The following SPRY4 variants were observed in gnomAD, a reference collection of about 807,000 sequenced individuals.
SPRY4 encodes protein sprouty homolog 4.
In SPRY4, 7 loss-of-function variants were observed where a neutral mutation model predicts 17.0. That is an observed-to-expected ratio of 0.41 (90% confidence interval 0.23 to 0.77). SPRY4 has a LOEUF of 0.77. SPRY4 is among the 30% of genes least tolerant of loss of function. SPRY4 has a pLI of 0.32. For missense variants in SPRY4, 435 were observed against 419.9 expected, an observed-to-expected ratio of 1.04 and a Z score of -0.31; for synonymous variants, 183 against 174.1, an observed-to-expected ratio of 1.05 and a Z score of -0.40.
intron 1 of SPRY4, among the ~76,000 whole-genome samples, chr5:142,319,972 G>A (rs1759291405): frequency 6.6e-6 from 1 of 152,190 alleles, no homozygotes; most frequent in Non-Finnish European, 1.5e-5. Flanking sequence ...GCAAGAGGCT[G>A]TGAATGAATG....
intron 1 of SPRY4, among the ~76,000 whole-genome samples, 198 bp downstream of exon 1, chr5:142,324,646 C>G (rs1048455330): frequency 6.6e-6 from 1 of 152,186 alleles, no homozygotes; most frequent in Non-Finnish European, 1.5e-5. Flanking sequence ...GCTGTGAACA[C>G]CCCCGGCGCC....
intron 1 of SPRY4, chr5:142,315,861 A>G (rs1043072841): frequency 1.3e-5 from 2 of 152,258 alleles, no homozygotes; most frequent in African/African-American, 2.4e-5. Context: ...CCTGCCAAGC[A>G]CTGTGCCAGG....
chr5:142,320,084 A>C (rs1596872541), intron 1 of SPRY4, among the ~76,000 whole-genome samples: 1 of 152,204 alleles, frequency 6.6e-6, no homozygotes, highest in East Asian at 1.9e-4. Flanking sequence ...GCTGCCAGAG[A>C]GCCTGCCCAC....
chr5:142,314,160 G>A lies in SPRY4; in HGVS notation c.*49C>T, dbSNP rs1211240562. The A allele has an allele frequency of 1.3e-6, 2 of 1,551,952 alleles. No individual in the cohort carries two copies. The highest frequency in any genetic ancestry group is 8.7e-7 in the Non-Finnish European group (1 of 1,151,424). ...CTTGCTGCAGTCTTCTTAGATGTCA[G>A]AAGAGAACCAGGTTTCCAGGCAGAG... On this transcript the variant is annotated 3_prime_UTR_variant, in exon 2 of 2. Transcript: ENST00000434127. This position sits in a 1 kb window ranked among gnomAD's most constrained non-coding sequence, Gnocchi z 4.8.
At chr5:142,322,101 GGGGTCAT>G (rs1197514226) in intron 1 of SPRY4, among the ~76,000 whole-genome samples, 1 of 152,230 alleles carries the variant, frequency 6.6e-6, no homozygotes, top group Non-Finnish European at 1.5e-5. Flanking sequence ...AGTTGGGGCT[GGGGTCAT>G]GGGTGGGTGC....
chr5:142,324,562 CG>C (rs1561656214), intron 1 of SPRY4: 1 of 152,380 alleles, frequency 6.6e-6, no homozygotes, highest in African/African-American at 2.4e-5. Context: ...GGGACACGCA[CG>C]GGGCTTCCCG....
At chr5:142,315,808 C>T (rs1326001485) in intron 1 of SPRY4, 1 of 152,182 alleles carries the variant, frequency 6.6e-6, no homozygotes, top group Non-Finnish European at 1.5e-5. Flanking sequence ...TTATCGCTAC[C>T]CCAGGGAATA....
rs1365472117 is a variant in SPRY4 at position 142,312,508 on chromosome 5, A to G, written c.*1701T>C. The G allele has an allele frequency of 1.3e-5, 2 of 152,188 alleles. No homozygotes were observed. The highest frequency in any genetic ancestry group is 4.8e-5 in the African/African-American group (2 of 41,446). 9.4% of individuals were successfully genotyped at this position (152,188 alleles called of 1,614,324 possible). A position where few individuals can be genotyped will look rare whatever the true frequency, so the allele number is the denominator to read the frequency against. On this transcript the variant is annotated 3_prime_UTR_variant, in exon 2 of 2. Transcript: ENST00000434127. The stretch of plus-strand genomic sequence containing the variant: ...AGTCCTTGAGAAGCATTAGGTGCCT[A>G]TCATAGCTACCTACCTCGCTGCCTC...
At chr5:142,323,042 A>AG (rs1466910872) in intron 1 of SPRY4, among the ~76,000 whole-genome samples, 1 of 126,622 alleles carries the variant, frequency 7.9e-6, no homozygotes, top group Admixed American at 7.7e-5. Flanking sequence ...ACCCGCCCTA[A>AG]AAAAAAAAAA....
intron 1 of SPRY4, among the ~76,000 whole-genome samples, chr5:142,316,440 A>G: frequency 6.6e-6 from 1 of 152,216 alleles, no homozygotes; most frequent in Non-Finnish European, 1.5e-5. Flanking sequence ...ACCTCTGCTC[A>G]AGGGGATACA....
rs546504624 is a variant in SPRY4 at position 142,319,509 on chromosome 5, G to A, written c.-47-4354C>T. Among the ~76,000 whole-genome samples, 66 of 152,272 alleles carry A rather than the reference G, an allele frequency of 4.3e-4. 1 individual carries two copies. The South Asian group carries it at 4.6e-3, about 11-fold the overall frequency. The stretch of plus-strand genomic sequence containing the variant: ...CCAAAAGGAAACCCTGGGGTGGAAA[G>A]GAATCTCTACTCCTCCCCACCTATC... On this transcript the variant is annotated intron_variant, in intron 1 of 1. Transcript: ENST00000434127.
At position 142,314,186 on chromosome 5, in the gene SPRY4, C is replaced by G. The variant is rs1406256442; in HGVS notation, c.*23G>C. The G allele has an allele frequency of 6.3e-7, 1 of 1,586,830 alleles. No homozygotes were observed. The highest frequency in any genetic ancestry group is 2.2e-5 in the East Asian group (1 of 44,642). On this transcript the variant is annotated 3_prime_UTR_variant, in exon 2 of 2. Coordinates refer to ENST00000434127, the MANE Select transcript of SPRY4 (RefSeq NM_001127496.3). This position sits in a 1 kb window ranked among gnomAD's most constrained non-coding sequence, Gnocchi z 4.8. ...AAGAGAACCAGGTTTCCAGGCAGAG[C>G]ACTGGGGCTTCGACACAAACTGTCA... is the stretch of plus-strand genomic sequence containing the variant.
intron 1 of SPRY4, chr5:142,317,394 G>A: frequency 1.0e-6 from 1 of 985,392 alleles, no homozygotes; most frequent in Non-Finnish European, 1.2e-6. Context: ...CCACGGATAA[G>A]ATTCTCCAGC....
chr5:142,319,152 G>T (rs1422484811), intron 1 of SPRY4, among the ~76,000 whole-genome samples: 2 of 152,148 alleles, frequency 1.3e-5, no homozygotes, highest in Non-Finnish European at 2.9e-5. Context: ...TTATGGAAAG[G>T]CATGAAAGTG....
At position 142,311,468 on chromosome 5, in the gene SPRY4, C is replaced by A. The variant is rs1240888325; in HGVS notation, c.*2741G>T. The A allele has an allele frequency of 6.6e-6, 1 of 152,270 alleles. No individual in the cohort carries two copies. Among genetic ancestry groups the A allele is most frequent in the Non-Finnish European group, 1.5e-5 (1 of 68,076 alleles). 9.4% of individuals were successfully genotyped at this position (152,270 alleles called of 1,614,324 possible). The stretch of plus-strand genomic sequence containing the variant: ...ACACACTCAGCCAGAAGCAGCTACA[C>A]ATGTGTGTTGTGTCTCTGAGTGCTG... On this transcript the variant is annotated 3_prime_UTR_variant, in exon 2 of 2. Transcript: ENST00000434127.
At position 142,311,470 on chromosome 5, in the gene SPRY4, T is replaced by C. The variant is rs73796079; in HGVS notation, c.*2739A>G. On this transcript the variant is annotated 3_prime_UTR_variant, in exon 2 of 2. Transcript: ENST00000434127. ...ACACTCAGCCAGAAGCAGCTACACA[T>C]GTGTGTTGTGTCTCTGAGTGCTGGG... 0.12 allele frequency: 18,439 copies of C among 151,410 alleles called. 2,001 individuals carry two copies. Among genetic ancestry groups the C allele is most frequent in the African/African-American group, 0.3 (12,287 of 40,752 alleles). The allele number at this position is 151,410 out of a possible 1,614,324, so 9.4% of individuals were successfully genotyped here.
At chr5:142,322,914 G>A (rs575692187) in intron 1 of SPRY4, among the ~76,000 whole-genome samples, 1 of 152,216 alleles carries the variant, frequency 6.6e-6, no homozygotes, top group Admixed American at 6.5e-5. Context: ...TGGGAAAGAG[G>A]AAATGTGATT....
intron 1 of SPRY4, chr5:142,319,921 A>G: frequency 1.1e-6 from 1 of 873,494 alleles, no homozygotes; most frequent in Non-Finnish European, 1.7e-6. Flanking sequence ...AAAACCTGAC[A>G]GTTGTACTTT....
intron 1 of SPRY4, chr5:142,319,679 G>GT: frequency 1.9e-6 from 3 of 1,581,912 alleles, no homozygotes; most frequent in South Asian, 1.2e-5. Context: ...GCGCAACACT[G>GT]TATTTGCTGC....
Sources: allele counts gnomAD v4.1 joint callset (sites outside exome capture counted in the v4.1 genomes callset), GRCh38; gene constraint gnomAD v4.1.1; non-coding constraint Gnocchi (gnomAD v3.1); transcripts MANE v1.5; gene names NCBI Gene and HGNC (gene_info 2026-07-23, HGNC 2026-07-21).